PCTP: variants seen among roughly 807,000 people sequenced by gnomAD.
PCTP encodes the protein START domain-containing protein 2.
PCTP carries 27 observed loss-of-function variants against 31.0 expected under a neutral mutation model. The observed-to-expected ratio is 0.87, with a 90% CI of 0.64 to 1.20. The LOEUF (loss-of-function observed/expected upper bound fraction) is 1.20, where lower values mean the gene tolerates loss of function less well. Among genes scored for constraint, PCTP ranks in the 50% most tolerant of loss-of-function variants. PCTP has a pLI of 0.00. For synonymous variants in PCTP, 108 were observed against 101.2 expected, an observed-to-expected ratio of 1.07 and a Z score of -0.40; for missense variants, 287 against 268.2, an observed-to-expected ratio of 1.07 and a Z score of -0.49.
downstream of PCTP, among the ~76,000 whole-genome samples, chr17:55,825,557 A>T (rs2145070522): frequency 6.6e-6 from 1 of 152,348 alleles, no homozygotes; most frequent in South Asian, 2.1e-4. Flanking sequence ...CATCTGAGTA[A>T]ACTTCCAAAT....
At chr17:55,838,343 T>A (rs779285347) in intron 5 of PCTP, among the ~76,000 whole-genome samples, 4 of 152,208 alleles carry the variant, frequency 2.6e-5, no homozygotes, top group Non-Finnish European at 5.9e-5. Context: ...AGGTTGTCCC[T>A]ACTGTCCCCT....
At chr17:55,835,356 C>G (rs980254676) in intron 5 of PCTP, among the ~76,000 whole-genome samples, 1 of 152,220 alleles carries the variant, frequency 6.6e-6, no homozygotes, top group South Asian at 2.1e-4. Context: ...CCACAAAAGC[C>G]TAAACTCCTG....
intron 5 of PCTP, among the ~76,000 whole-genome samples, chr17:55,834,416 C>T (rs944902675): frequency 2.6e-5 from 4 of 152,148 alleles, no homozygotes; most frequent in African/African-American, 9.7e-5. Context: ...AACTGGCTTT[C>T]TCTGCCTCTC....
intron 1 of PCTP, among the ~76,000 whole-genome samples, chr17:55,758,673 G>A (rs959006731): frequency 1.3e-5 from 2 of 152,192 alleles, no homozygotes; most frequent in African/African-American, 4.8e-5. Context: ...ACACCCGTCT[G>A]TGGCATTCTA....
intron 3 of PCTP, among the ~76,000 whole-genome samples, chr17:55,818,030 G>C (rs1912986292): frequency 6.6e-6 from 1 of 152,192 alleles, no homozygotes; most frequent in Admixed American, 6.5e-5. Flanking sequence ...CCATGATACA[G>C]GTATGTACAG....
At chr17:55,837,681 C>T (rs1184188673) in intron 5 of PCTP, among the ~76,000 whole-genome samples, 1 of 152,154 alleles carries the variant, frequency 6.6e-6, no homozygotes, top group Non-Finnish European at 1.5e-5. Context: ...ATTTAATCCC[C>T]CTTACATCCT....
rs117617790 is a variant in PCTP, at chr17:55,815,705, C to G, written c.318-7056C>G. On this transcript the variant is annotated intron_variant, in intron 3 of 3. Transcript: ENST00000572536. ...CTCCTTTCCCCTTTAAATAAAACACCTTGCTTGCAACCAGCTATAAGAGAG... is the reference window on the plus strand; with the variant it reads ...CTCCTTTCCCCTTTAAATAAAACACGTTGCTTGCAACCAGCTATAAGAGAG... Among the ~76,000 whole-genome samples, 431 of 152,280 alleles carry G rather than the reference C, an allele frequency of 2.8e-3. 7 individuals carry two copies. Among genetic ancestry groups the G allele is most frequent in the Admixed American group, 0.021 (320 of 15,298 alleles).
intron 1 of PCTP, chr17:55,751,556 C>T (rs1026322547): frequency 1.5e-6 from 2 of 1,327,156 alleles, no homozygotes; most frequent in Non-Finnish European, 2.0e-6. Context: ...CCCGTGCACA[C>T]GTCTGCAAGG....
chr17:55,798,861 A>C (rs1342866435), intron 3 of PCTP, among the ~76,000 whole-genome samples: 1 of 151,984 alleles, frequency 6.6e-6, no homozygotes, highest in African/African-American at 2.4e-5. Context: ...AAACAACAAC[A>C]GTAATGTTAT....
chr17:55,786,592 A>G (rs1001948598), intron 2 of PCTP, among the ~76,000 whole-genome samples: 4 of 152,232 alleles, frequency 2.6e-5, no homozygotes, highest in African/African-American at 9.6e-5. Flanking sequence ...GTCAGAAATA[A>G]TATAGAAAGT....
At chr17:55,757,352 G>T (rs1450884346) in intron 1 of PCTP, among the ~76,000 whole-genome samples, 1 of 151,030 alleles carries the variant, frequency 6.6e-6, no homozygotes, top group Admixed American at 6.6e-5. Context: ...ACACACTGAA[G>T]TTTGAGAACC....
In PCTP at chr17:55,776,965, T is replaced by C; in HGVS notation, c.*865T>C. On this transcript the variant is annotated 3_prime_UTR_variant, in exon 6 of 6. Transcript: ENST00000268896. ...GTGCATAGCCTTGTGAAAAAGTATC[T>C]TTCTATGCAATAAGATGAATTTTCC... is the stretch of plus-strand genomic sequence containing the variant. The C allele has an allele frequency of 1.0e-6, 1 of 985,864 alleles. No individual in the cohort carries two copies. Among genetic ancestry groups the C allele is most frequent in the Non-Finnish European group, 1.2e-6 (1 of 830,204 alleles). The allele number at this position is 985,864 out of a possible 1,614,324, so 61.1% of individuals were successfully genotyped here. A position where few individuals can be genotyped will look rare whatever the true frequency, so the allele number is the denominator to read the frequency against.
chr17:55,776,266 A>ACTTT lies in PCTP; in HGVS notation c.*168_*169insTTCT. The ACTTT allele has an allele frequency of 2.1e-6, 3 of 1,414,954 alleles. No individual in the cohort carries two copies. Among genetic ancestry groups the ACTTT allele is most frequent in the Non-Finnish European group, 2.8e-6 (3 of 1,085,536 alleles). 87.6% of individuals were successfully genotyped at this position (1,414,954 alleles called of 1,614,324 possible). Reference sequence around the variant, plus strand: ...TGTTTCTGTCTTCAGAGGCCTACACACTACCACATCCTTTCTAAGCATGTT... The same window carrying ACTTT: ...TGTTTCTGTCTTCAGAGGCCTACACACTTTCTACCACATCCTTTCTAAGCATGTT... On this transcript the variant is annotated 3_prime_UTR_variant, in exon 6 of 6. Coordinates refer to ENST00000268896, the MANE Select transcript of PCTP (RefSeq NM_021213.4).
chr17:55,765,541 G>T (rs771627285), intron 1 of PCTP, among the ~76,000 whole-genome samples: 1 of 152,076 alleles, frequency 6.6e-6, no homozygotes, highest in African/African-American at 2.4e-5. Context: ...CATCACTGTT[G>T]TTACTTCCCT....
chr17:55,774,914 T>C (rs1014821670), intron 5 of PCTP, 55 bp downstream of exon 5: 1 of 1,496,452 alleles, frequency 6.7e-7, no homozygotes, highest in African/African-American at 1.4e-5. Context: ...GTTTGACAAA[T>C]GTTGACTTAG....
chr17:55,751,231 G>T lies in PCTP; in HGVS notation c.128G>T (p.Arg43Leu), dbSNP rs1002142794. The change falls in exon 1 of 6, where the codon CGG (arginine) becomes CTG (leucine). Residue 43 changes from arginine (R) to leucine (L), a missense_variant. Transcript: ENST00000268896. Reference protein sequence around the residue: ...LVETSGISIYRLLDKKTGLYE... With the variant: ...LVETSGISIYLLLDKKTGLYE... ...GAGACCTCGGGCATCAGCATCTACC[G>T]GCTGCTGGACAAGGTAGCGGCCAAC... 4.0e-5 allele frequency: 62 copies of T among 1,541,180 alleles called. No homozygotes were observed. The highest frequency in any genetic ancestry group is 5.3e-5 in the Non-Finnish European group (61 of 1,142,698).
intron 1 of PCTP, among the ~76,000 whole-genome samples, chr17:55,752,769 C>T (rs1157366953): frequency 6.6e-6 from 1 of 152,190 alleles, no homozygotes; most frequent in African/African-American, 2.4e-5. Context: ...ACTCTGAATG[C>T]TTGCTGTGTA....
At chr17:55,814,846 C>T (rs1912867110) in intron 3 of PCTP, among the ~76,000 whole-genome samples, 1 of 152,190 alleles carries the variant, frequency 6.6e-6, no homozygotes, top group Non-Finnish European at 1.5e-5. Flanking sequence ...ATCCAGGGGA[C>T]AGGATTGTGT....
At chr17:55,826,328 C>T (rs962120320), downstream of PCTP, among the ~76,000 whole-genome samples, 14 of 152,198 alleles carry the variant, frequency 9.2e-5, no homozygotes, top group East Asian at 3.9e-4. Context: ...AGGTTTTGGA[C>T]GCACAAGCAA....
Sources: gnomAD v4.1 joint callset for allele counts (sites outside exome capture counted in the v4.1 genomes callset) on GRCh38, gnomAD v4.1.1 for gene constraint, MANE v1.5 for transcripts, NCBI Gene and HGNC (gene_info 2026-07-23, HGNC 2026-07-21) for gene names.